The following NRG4 variants were observed in gnomAD, a reference collection of about 807,000 sequenced individuals.
NRG4 encodes the protein neuregulin 4, also known as pro-neuregulin-4, membrane-bound isoform.
NRG4 carries 10 observed loss-of-function variants against 15.0 expected under a neutral mutation model. That is an observed-to-expected ratio of 0.67 (90% CI 0.41 to 1.13). The LOEUF (loss-of-function observed/expected upper bound fraction) is 1.13, where lower values mean the gene tolerates loss of function less well. Ranked by LOEUF, NRG4 falls within the 50% of genes most tolerant of loss-of-function variation. The probability of loss-of-function intolerance (pLI) is 0.00; values close to 1 mark genes in which losing one functional copy is unlikely to be tolerated. For missense variants in NRG4, 139 were observed against 140.2 expected, an observed-to-expected ratio of 0.99 and a Z score of 0.04; for synonymous variants, 41 against 50.1, an observed-to-expected ratio of 0.82 and a Z score of 0.77.
At chr15:76,001,169 G>C (rs190549492) in intron 3 of NRG4, among the ~76,000 whole-genome samples, 1 of 151,380 alleles carries the variant, frequency 6.6e-6, no homozygotes, top group Non-Finnish European at 1.5e-5. Flanking sequence ...GTTTTGTTTT[G>C]TTTGGTAAAG....
At chr15:76,038,044 A>G (rs1408229031) in intron 4 of NRG4, among the ~76,000 whole-genome samples, 2 of 152,156 alleles carry the variant, frequency 1.3e-5, no homozygotes, top group African/African-American at 4.8e-5. Flanking sequence ...GGAAGGACCT[A>G]TTCCTGGCAG....
chr15:76,053,723 G>T (rs334929), intron 2 of NRG4, among the ~76,000 whole-genome samples: 11,222 of 150,066 alleles, frequency 0.075, 1,891 homozygotes, highest in African/African-American at 0.26. Context: ...GCCCAGCTAA[G>T]TTTTGTATTT....
At chr15:76,040,996 C>T (rs924092200) in intron 4 of NRG4, among the ~76,000 whole-genome samples, 1 of 151,984 alleles carries the variant, frequency 6.6e-6, no homozygotes, top group African/African-American at 2.4e-5. Context: ...TAAATAGAAA[C>T]ACAAAGTTAA....
intron 4 of NRG4, among the ~76,000 whole-genome samples, chr15:76,045,738 T>G (rs1221610641): frequency 1.3e-5 from 2 of 150,102 alleles, no homozygotes; most frequent in African/African-American, 5.0e-5. Flanking sequence ...ATAATTTAAC[T>G]AATGGAGGTA....
At chr15:76,007,289 G>C (rs1309325247) in intron 3 of NRG4, among the ~76,000 whole-genome samples, 2 of 152,044 alleles carry the variant, frequency 1.3e-5, no homozygotes, top group Non-Finnish European at 1.5e-5. Flanking sequence ...TCCAGAAATA[G>C]ACCTGCACAT....
chr15:75,981,605 T>A (rs1200947097), intron 3 of NRG4, among the ~76,000 whole-genome samples: 3 of 152,072 alleles, frequency 2.0e-5, no homozygotes, highest in African/African-American at 7.2e-5. Flanking sequence ...GCAAGTACAA[T>A]GAGGAAATTG....
At chr15:76,046,638 T>G (rs1596060446) in intron 4 of NRG4, among the ~76,000 whole-genome samples, 1 of 151,190 alleles carries the variant, frequency 6.6e-6, no homozygotes, top group Non-Finnish European at 1.5e-5. Flanking sequence ...ACTAGACCCC[T>G]AGCTGTCACC....
intron 3 of NRG4, among the ~76,000 whole-genome samples, chr15:76,005,425 C>G (rs1485426243): frequency 3.1e-5 from 2 of 64,132 alleles, no homozygotes; most frequent in Non-Finnish European, 6.1e-5. Flanking sequence ...TGACTCACAC[C>G]TGTAATCTCA....
intron 3 of NRG4, among the ~76,000 whole-genome samples, chr15:75,972,869 C>A (rs2033168774): frequency 1.3e-5 from 2 of 152,072 alleles, no homozygotes; most frequent in African/African-American, 2.4e-5. Flanking sequence ...TTTTTGGTTC[C>A]ATATGAAATT....
At chr15:76,049,296 A>G (rs1422110434) in intron 4 of NRG4, among the ~76,000 whole-genome samples, 1 of 149,004 alleles carries the variant, frequency 6.7e-6, no homozygotes, top group Non-Finnish European at 1.5e-5. Flanking sequence ...ACAAAGAAAT[A>G]TTATCTTAAA....
intron 4 of NRG4, among the ~76,000 whole-genome samples, chr15:76,045,015 A>G (rs758479457): frequency 6.6e-6 from 1 of 150,696 alleles, no homozygotes; most frequent in Non-Finnish European, 1.5e-5. Context: ...AACCCACAGA[A>G]TGGAGAAAAT....
chr15:75,978,972 C>CT (rs1038794307), intron 3 of NRG4, among the ~76,000 whole-genome samples: 16 of 151,844 alleles, frequency 1.1e-4, no homozygotes, highest in African/African-American at 3.4e-4. Flanking sequence ...ATTATTTGGG[C>CT]TTTTTTTTCC....
intron 3 of NRG4, among the ~76,000 whole-genome samples, chr15:75,989,246 T>A (rs919427752): frequency 6.6e-6 from 1 of 152,214 alleles, no homozygotes. Context: ...AATGTTGTAT[T>A]TCTAAGCTTT....
intron 3 of NRG4, among the ~76,000 whole-genome samples, chr15:76,002,345 G>A (rs1043109701): frequency 6.6e-6 from 1 of 152,054 alleles, no homozygotes; most frequent in African/African-American, 2.4e-5. Context: ...TATAACAAGA[G>A]ATAATGAAGA....
chr15:76,054,757 C>A (rs2036113321), intron 2 of NRG4, among the ~76,000 whole-genome samples: 1 of 152,074 alleles, frequency 6.6e-6, no homozygotes, highest in African/African-American at 2.4e-5. Context: ...AAATTCAACT[C>A]CACTTATATA....
intron 5 of NRG4, among the ~76,000 whole-genome samples, chr15:76,023,894 C>T (rs563586490): frequency 1.3e-5 from 2 of 152,326 alleles, no homozygotes; most frequent in African/African-American, 4.8e-5. Context: ...TAAACTGCTG[C>T]ACACTCTCCC....
chr15:75,965,476 T>G (rs1408934341), intron 3 of NRG4, among the ~76,000 whole-genome samples: 1 of 152,168 alleles, frequency 6.6e-6, no homozygotes, highest in African/African-American at 2.4e-5. Flanking sequence ...ATGGTAATTT[T>G]AAGCAAATTC....
intron 4 of NRG4, among the ~76,000 whole-genome samples, chr15:75,957,766 T>A (rs750201153): frequency 1.3e-5 from 2 of 152,146 alleles, no homozygotes; most frequent in Non-Finnish European, 2.9e-5. Context: ...GCTTCTTGAC[T>A]TCTCTTCAAT....
chr15:76,055,182 T>G (rs1427754559), intron 2 of NRG4, among the ~76,000 whole-genome samples: 2 of 150,976 alleles, frequency 1.3e-5, no homozygotes, highest in African/African-American at 4.9e-5. Context: ...ACTCGGGAGG[T>G]TGAGGCAGGA....
Sources: gnomAD v4.1 joint callset for allele counts (sites outside exome capture counted in the v4.1 genomes callset) on GRCh38, gnomAD v4.1.1 for gene constraint, MANE v1.5 for transcripts, NCBI Gene and HGNC (gene_info 2026-07-23, HGNC 2026-07-21) for gene names.